The following ANKS6 variants were observed in gnomAD, a reference collection of about 807,000 sequenced individuals.
ANKS6 encodes ankyrin repeat and sterile alpha motif domain containing 6.
ANKS6 carries 47 observed loss-of-function variants against 77.9 expected under a neutral mutation model. That is an observed-to-expected ratio of 0.60 (90% CI 0.48 to 0.77). The LOEUF (loss-of-function observed/expected upper bound fraction) is 0.77, where lower values mean the gene tolerates loss of function less well. Among genes scored for constraint, ANKS6 ranks in the 30% least tolerant of loss-of-function variants. ANKS6 has a pLI of 0.00. For synonymous variants in ANKS6, 488 were observed against 501.7 expected (o/e 0.97, Z 0.37); for missense variants, 1,150 against 1,159.1 (o/e 0.99, Z 0.11).
intron 12 of ANKS6, 137 bp downstream of exon 12, chr9:98,756,283 A>T: frequency 1.1e-6 from 1 of 891,722 alleles, no homozygotes; most frequent in Non-Finnish European, 1.6e-6. Flanking sequence ...AGAGAAGAGG[A>T]GGGACATGTT....
rs1831471083 is a variant in ANKS6, at chr9:98,735,887, C to G, written c.*632G>C. 1 of 1,231,804 alleles carries G rather than the reference C, an allele frequency of 8.1e-7. No individual in the cohort carries two copies. The highest frequency in any genetic ancestry group is 1.0e-6 in the Non-Finnish European group (1 of 988,504). The allele number at this position is 1,231,804 out of a possible 1,614,324, so 76.3% of individuals were successfully genotyped here. Reference sequence around the variant, plus strand: ...TACACAGCACTAAGGGACCCAGTGGCTGAAAGGGGGTCAAAAAAGACTTCA... The same window carrying G: ...TACACAGCACTAAGGGACCCAGTGGGTGAAAGGGGGTCAAAAAAGACTTCA... On this transcript the variant is annotated 3_prime_UTR_variant, in exon 15 of 15. Transcript: ENST00000353234.
In ANKS6 at chr9:98,778,276, T is replaced by C. The variant is rs1408344550; in HGVS notation, c.1517A>G (p.Lys506Arg). 2 of 1,614,114 alleles carry C rather than the reference T, an allele frequency of 1.2e-6. No homozygotes were observed. Among genetic ancestry groups the C allele is most frequent in the South Asian group, 2.2e-5 (2 of 91,082 alleles). The change falls in exon 7 of 15, where the codon AAG (lysine) becomes AGG (arginine). Residue 506 changes from lysine (K) to arginine (R), a missense_variant. Lys to Arg is a conservative substitution (Grantham distance 26). Transcript: ENST00000353234. ...ATCAGGGAGTGCAGAGCGGCTTGTC[T>C]TGTCCTGGGGGGCAGCCCTCATTGT... The part of the protein sequence containing the change: ...DSTMRAAPQD[K>R]TSRSALPDAA...
At chr9:98,788,121 A>C (rs1260275995) in intron 2 of ANKS6, among the ~76,000 whole-genome samples, 2 of 152,228 alleles carry the variant, frequency 1.3e-5, no homozygotes, top group Non-Finnish European at 2.9e-5. Context: ...AATGTGTCTG[A>C]GCCACTGCAT....
At position 98,790,130 on chromosome 9, in the gene ANKS6, G is replaced by A. The variant is rs769907950; in HGVS notation, c.836C>T (p.Pro279Leu). ...KHRDLVDYLD[P>L]LTTVRPKTDE... ...TGTTTTGGGCCTGACGGTGGTCAGCGGGTCCAGGTAGTCTACAAGGTCCCT... is the reference window on the plus strand; with the variant it reads ...TGTTTTGGGCCTGACGGTGGTCAGCAGGTCCAGGTAGTCTACAAGGTCCCT... The change falls in exon 2 of 15, where the codon CCG becomes CTG. Residue 279 changes from proline (P) to leucine (L), a missense_variant. Physicochemically the swap from Pro to Leu is moderately conservative, Grantham distance 98 (BLOSUM62 -3). Coordinates refer to ENST00000353234, the MANE Select transcript of ANKS6 (RefSeq NM_173551.5). 1.3e-4 allele frequency: 198 copies of A among 1,572,136 alleles called. No homozygotes were observed. The highest frequency in any genetic ancestry group is 1.6e-4 in the Non-Finnish European group (180 of 1,151,096).
intron 13 of ANKS6, among the ~76,000 whole-genome samples, chr9:98,747,229 A>G (rs1254492740): frequency 6.6e-6 from 1 of 152,212 alleles, no homozygotes; most frequent in African/African-American, 2.4e-5. Flanking sequence ...ACTTTATAAG[A>G]AGGCTTTATT....
At chr9:98,740,728 A>G (rs144542714) in intron 14 of ANKS6, among the ~76,000 whole-genome samples, 301 of 152,344 alleles carry the variant, frequency 2.0e-3, no homozygotes, top group Middle Eastern at 3.4e-3. Flanking sequence ...ATTGAAGATG[A>G]TAACAATAAT....
intron 13 of ANKS6, among the ~76,000 whole-genome samples, chr9:98,748,678 G>C (rs1832272980): frequency 1.3e-5 from 2 of 152,198 alleles, no homozygotes; most frequent in South Asian, 4.1e-4. Flanking sequence ...ATACACTAGT[G>C]GGGGTGGAGC....
intron 2 of ANKS6, among the ~76,000 whole-genome samples, chr9:98,786,609 T>A (rs935759036): frequency 2.0e-5 from 3 of 152,206 alleles, no homozygotes; most frequent in Non-Finnish European, 4.4e-5. Context: ...GAATTCTTCA[T>A]GGAAAGTACG....
Position 98,735,170 on chromosome 9 carries a change from G to A in ANKS6, c.*1349C>T, listed in dbSNP as rs555566449. 1 of 985,492 alleles carries A rather than the reference G, an allele frequency of 1.0e-6. No individual in the cohort carries two copies. Among genetic ancestry groups the A allele is most frequent in the East Asian group, 1.1e-4 (1 of 8,814 alleles). 61.0% of individuals were successfully genotyped at this position (985,492 alleles called of 1,614,324 possible). ...GCAGACCCAGCACTTTGGGCATACT[G>A]GTTCTAAGCTCCAACTAAGAGGCCA... On this transcript the variant is annotated 3_prime_UTR_variant, in exon 15 of 15. Coordinates refer to ENST00000353234, the MANE Select transcript of ANKS6 (RefSeq NM_173551.5).
In ANKS6 at chr9:98,733,462, G is replaced by A. The variant is rs760927240; in HGVS notation, c.*3057C>T. The A allele has an allele frequency of 1.6e-4, 160 of 985,372 alleles. No individual in the cohort carries two copies. Among genetic ancestry groups the A allele is most frequent in the South Asian group, 3.3e-4 (7 of 21,298 alleles). 61.0% of individuals were successfully genotyped at this position (985,372 alleles called of 1,614,324 possible). ...CAGGGACCCTGCCATCTCAAAGCAG[G>A]ACCGGTCCCCTGATGTCCCACTGCC... On this transcript the variant is annotated 3_prime_UTR_variant, in exon 15 of 15. Transcript: ENST00000353234.
At position 98,733,492 on chromosome 9, in the gene ANKS6, A is replaced by G. The variant is rs745676938; in HGVS notation, c.*3027T>C. The G allele has an allele frequency of 1.0e-6, 1 of 985,524 alleles. No individual in the cohort carries two copies. The allele number at this position is 985,524 out of a possible 1,614,324, so 61.0% of individuals were successfully genotyped here. On this transcript the variant is annotated 3_prime_UTR_variant, in exon 15 of 15. Transcript: ENST00000353234. ...GTCCCCTGATGTCCCACTGCCAAGC[A>G]GGCCACCTCTGCAGAGCTGCTGGGG...
intron 12 of ANKS6, among the ~76,000 whole-genome samples, chr9:98,755,036 T>C (rs1489624844): frequency 1.3e-5 from 2 of 152,192 alleles, no homozygotes; most frequent in African/African-American, 4.8e-5. Context: ...GAAAATATGG[T>C]TGGGGAGGAA....
At chr9:98,757,418 G>C (rs970556882) in intron 11 of ANKS6, among the ~76,000 whole-genome samples, 2 of 152,138 alleles carry the variant, frequency 1.3e-5, no homozygotes, top group African/African-American at 4.8e-5. Context: ...ATCTTGGTCA[G>C]GTATTTTGAA....
rs780681488 is a variant in ANKS6, at chr9:98,790,623, G to C, written c.360-17C>G. ...TGCCCAAATCTGCCAGGAAGATGGA[G>C]AATTAGTGACACTGAACACACAGCA... On this transcript the variant is annotated splice_polypyrimidine_tract_variant and intron_variant, in intron 1 of 14. Coordinates refer to ENST00000353234, the MANE Select transcript of ANKS6 (RefSeq NM_173551.5). 1.3e-6 allele frequency: 2 copies of C among 1,590,470 alleles called. No homozygotes were observed. The highest frequency in any genetic ancestry group is 1.7e-5 in the Admixed American group (1 of 59,534).
chr9:98,769,882 A>T (rs1366559053), intron 10 of ANKS6, among the ~76,000 whole-genome samples: 2 of 152,254 alleles, frequency 1.3e-5, no homozygotes, highest in African/African-American at 4.8e-5. Flanking sequence ...GTGCCTTTTT[A>T]TAAATATTCA....
At chr9:98,738,905 T>G (rs1280717856) in intron 14 of ANKS6, among the ~76,000 whole-genome samples, 1 of 152,198 alleles carries the variant, frequency 6.6e-6, no homozygotes, top group East Asian at 1.9e-4. Flanking sequence ...GATGGAATAC[T>G]ACGCAGCCAT....
chr9:98,734,174 C>T lies in ANKS6; in HGVS notation c.*2345G>A, dbSNP rs901060349. On this transcript the variant is annotated 3_prime_UTR_variant, in exon 15 of 15. Coordinates refer to ENST00000353234, the MANE Select transcript of ANKS6 (RefSeq NM_173551.5). ...CAGGGACCTCTTGTGAACCAGCACA[C>T]AAACTTCCTAGGATGAAAAGCCTTG... is the stretch of plus-strand genomic sequence containing the variant. The T allele has an allele frequency of 4.1e-6, 4 of 985,276 alleles. No individual in the cohort carries two copies. Among genetic ancestry groups the T allele is most frequent in the East Asian group, 2.3e-4 (2 of 8,820 alleles). The allele number at this position is 985,276 out of a possible 1,614,324, so 61.0% of individuals were successfully genotyped here.
intron 5 of ANKS6, among the ~76,000 whole-genome samples, chr9:98,780,595 A>C (rs537081088): frequency 1.3e-5 from 2 of 152,310 alleles, no homozygotes; most frequent in South Asian, 4.1e-4. Context: ...GTGTGTTTAA[A>C]AGTGCAGGCT....
intron 13 of ANKS6, among the ~76,000 whole-genome samples, chr9:98,749,693 T>C (rs570399350): frequency 1.3e-5 from 2 of 152,276 alleles, no homozygotes; most frequent in Admixed American, 6.5e-5. Context: ...TACGGAAAGA[T>C]TTCTTGGAGA....
Sources: allele counts gnomAD v4.1 joint callset (sites outside exome capture counted in the v4.1 genomes callset), GRCh38; gene constraint gnomAD v4.1.1; transcripts MANE v1.5; gene names NCBI Gene and HGNC (gene_info 2026-07-23, HGNC 2026-07-21).